CROCC2: variants seen among roughly 807,000 people sequenced by gnomAD.
The protein encoded by CROCC2 is ciliary rootlet coiled-coil, rootletin family member 2, also known as ciliary rootlet coiled-coil protein 2.
A neutral mutation model predicts 177.6 loss-of-function variants in CROCC2; 163 were observed. The ratio of observed to expected loss-of-function variants is 0.92; its 90% CI spans 0.81 to 1.05. CROCC2 has a LOEUF of 1.05. Among genes scored for constraint, CROCC2 ranks in the 50% least tolerant of loss-of-function variants. The probability of loss-of-function intolerance (pLI) is 0.00; values close to 1 mark genes in which losing one functional copy is unlikely to be tolerated. For missense variants in CROCC2, 1,929 were observed against 1,797.8 expected, an observed-to-expected ratio of 1.07 and a Z score of -1.32; for synonymous variants, 904 against 787.3, an observed-to-expected ratio of 1.15 and a Z score of -2.48.
At chr2:240,957,380 ATGGTTCAGTGT>A (rs2059598041) in intron 19 of CROCC2, 1 of 152,290 alleles carries the variant, frequency 6.6e-6, no homozygotes, top group Non-Finnish European at 1.5e-5. Flanking sequence ...CGTTGAATGT[ATGGTTCAGTGT>A]GCAGTGAACA....
At chr2:240,914,206 C>T (rs907267552) in intron 1 of CROCC2, among the ~76,000 whole-genome samples, 9 of 152,170 alleles carry the variant, frequency 5.9e-5, no homozygotes, top group African/African-American at 1.9e-4. Flanking sequence ...CCCTTGTGCG[C>T]GAGTGGGGGC....
At chr2:240,968,803 T>C (rs1204254785) in intron 27 of CROCC2, among the ~76,000 whole-genome samples, 1 of 152,122 alleles carries the variant, frequency 6.6e-6, no homozygotes, top group Non-Finnish European at 1.5e-5. Context: ...GGTCTGAGGT[T>C]TTCAGGTGAG....
intron 21 of CROCC2, 36 bp downstream of exon 21, chr2:240,963,809 T>C (rs1190308786): frequency 2.6e-6 from 4 of 1,536,886 alleles, no homozygotes; most frequent in Non-Finnish European, 3.5e-6. Flanking sequence ...GGGGGTGCCC[T>C]GCAGCCTGCT....
rs2059327051 is a variant in CROCC2, at chr2:240,917,305, C to T, written c.79-1421C>T. 7.3e-6 allele frequency among the ~76,000 whole-genome samples: 1 copy of T among 136,228 alleles called. No homozygotes were observed. The highest frequency in any genetic ancestry group is 1.5e-5 in the Non-Finnish European group (1 of 67,728). 89.4% of individuals were successfully genotyped at this position (136,228 alleles called of 152,430 possible). A position where few individuals can be genotyped will look rare whatever the true frequency, so the allele number is the denominator to read the frequency against. On this transcript the variant is annotated intron_variant, in intron 1 of 31. Transcript: ENST00000690015. The surrounding 1 kb of genome is among the most constrained non-coding windows in gnomAD (Gnocchi z 4.9). ...GACTCTCCAACCCCGGCGAGGGGGG[C>T]CGCGATCTTTGGGGTGCAGATGGAG...
At chr2:240,932,611 G>T (rs1041684605) in intron 8 of CROCC2, 91 bp from the exon 9 acceptor site, 5 of 707,096 alleles carry the variant, frequency 7.1e-6, no homozygotes, top group African/African-American at 1.8e-5. Flanking sequence ...GAGGTAGCCC[G>T]CAGGGACCCT....
rs570869096 is a variant in CROCC2 at position 240,959,150 on chromosome 2, C to T, written c.2944-151C>T. ...GTTTGACAGTTTAGGAAACCAAGGGCCAGTTACCCCGGGGCTTGCACGATC... is the reference window on the plus strand; with the variant it reads ...GTTTGACAGTTTAGGAAACCAAGGGTCAGTTACCCCGGGGCTTGCACGATC... On this transcript the variant is annotated intron_variant, in intron 19 of 31. Transcript: ENST00000690015. 4 of 854,028 alleles carry T rather than the reference C, an allele frequency of 4.7e-6. No homozygotes were observed. In the South Asian group the frequency reaches 8.0e-5, roughly 17 times the overall value. 52.9% of individuals were successfully genotyped at this position (854,028 alleles called of 1,614,324 possible). A position where few individuals can be genotyped will look rare whatever the true frequency, so the allele number is the denominator to read the frequency against.
intron 19 of CROCC2, 108 bp from the exon 20 acceptor site, chr2:240,959,193 C>A: frequency 2.3e-6 from 3 of 1,303,412 alleles, no homozygotes; most frequent in South Asian, 1.6e-5. Context: ...CCCGGCTCCC[C>A]CTCCCAGGCC....
At chr2:240,971,329 G>T (rs547204136) in intron 27 of CROCC2, among the ~76,000 whole-genome samples, 7 of 152,294 alleles carry the variant, frequency 4.6e-5, no homozygotes, top group Middle Eastern at 3.4e-3. Context: ...GGCCCTCTGA[G>T]GGCTCTGCCT....
chr2:240,935,529 G>C lies in CROCC2; in HGVS notation c.2110G>C (p.Glu704Gln). 1 of 1,350,478 alleles carries C rather than the reference G, an allele frequency of 7.4e-7. No individual in the cohort carries two copies. The highest frequency in any genetic ancestry group is 9.5e-7 in the Non-Finnish European group (1 of 1,049,066). 83.7% of individuals were successfully genotyped at this position (1,350,478 alleles called of 1,614,324 possible). A position where few individuals can be genotyped will look rare whatever the true frequency, so the allele number is the denominator to read the frequency against. Reference sequence around the variant, plus strand: ...CCTGGAGCAGCGGCAGGAGCAGCTGGAGGGGCAGGCAGCCCTGCTGGGGCG... The same window carrying C: ...CCTGGAGCAGCGGCAGGAGCAGCTGCAGGGGCAGGCAGCCCTGCTGGGGCG... Reference protein sequence around the residue: ...GRLEQRQEQLEGQAALLGREK... With the variant: ...GRLEQRQEQLQGQAALLGREK... The change falls in exon 14 of 32, where the codon GAG (glutamate) becomes CAG (glutamine). Residue 704 changes from glutamate (E) to glutamine (Q), a missense_variant. Physicochemically the swap from Glu to Gln is conservative, Grantham distance 29 (BLOSUM62 2). Transcript: ENST00000690015.
chr2:240,952,915 G>T (rs778669623), intron 18 of CROCC2, among the ~76,000 whole-genome samples: 7 of 152,158 alleles, frequency 4.6e-5, no homozygotes, highest in Non-Finnish European at 8.8e-5. Flanking sequence ...TTGGGAGGTG[G>T]TGATATTATT....
chr2:240,989,958 C>A (rs2059866777), intron 30 of CROCC2, 125 bp downstream of exon 30: 3 of 907,728 alleles, frequency 3.3e-6, no homozygotes, highest in Non-Finnish European at 4.9e-6. Flanking sequence ...TCCACTGCCA[C>A]CCAGTGGGCT....
intron 30 of CROCC2, among the ~76,000 whole-genome samples, chr2:240,990,314 T>C (rs1371982758): frequency 6.6e-6 from 1 of 152,162 alleles, no homozygotes. Flanking sequence ...AGCCAAGCCT[T>C]GGGCGTGTGT....
rs373432418 is a variant in CROCC2, at chr2:240,972,479, T to C, written c.4401+4217T>C. ...ACAGCAACCCTCTTCCCTGAGGTCC[T>C]GGTAGTACAGAGTTGCCTCCCCAAC... On this transcript the variant is annotated intron_variant, in intron 27 of 31. Coordinates refer to ENST00000690015, the MANE Select transcript of CROCC2 (RefSeq NM_001351305.2). This position sits in a 1 kb window ranked among gnomAD's most constrained non-coding sequence, Gnocchi z 7.1. Among the ~76,000 whole-genome samples, 67 of 152,200 alleles carry C rather than the reference T, an allele frequency of 4.4e-4. No homozygotes were observed. Among genetic ancestry groups the C allele is most frequent in the African/African-American group, 1.5e-3 (61 of 41,534 alleles).
chr2:240,988,975 C>A, intron 29 of CROCC2, 105 bp downstream of exon 29: 1 of 1,184,456 alleles, frequency 8.4e-7, no homozygotes, highest in Non-Finnish European at 1.1e-6. Context: ...GTACCTCCAT[C>A]TCACACGTGC....
Position 240,949,921 on chromosome 2 carries a change from G to T in CROCC2, c.2652+219G>T, listed in dbSNP as rs116284643. Among the ~76,000 whole-genome samples, 1 of 152,188 alleles carries T rather than the reference G, an allele frequency of 6.6e-6. No individual in the cohort carries two copies. The highest frequency in any genetic ancestry group is 1.5e-5 in the Non-Finnish European group (1 of 68,020). On this transcript the variant is annotated intron_variant, in intron 17 of 31. Transcript: ENST00000690015. This position sits in a 1 kb window ranked among gnomAD's most constrained non-coding sequence, Gnocchi z 4.5. ...TTGGGCTTGGGTTTGTATTTGGGGCGGGCCTCCCTCATGGAAGAGGCTGGA... is the reference window on the plus strand; with the variant it reads ...TTGGGCTTGGGTTTGTATTTGGGGCTGGCCTCCCTCATGGAAGAGGCTGGA...
intron 5 of CROCC2, among the ~76,000 whole-genome samples, chr2:240,929,871 C>A (rs2059416344): frequency 6.6e-6 from 1 of 152,182 alleles, no homozygotes; most frequent in Non-Finnish European, 1.5e-5. Context: ...TGAGTCAGCA[C>A]CTTCTCTCTT....
intron 28 of CROCC2, 59 bp from the exon 29 acceptor site, chr2:240,988,680 T>G (rs1574801989): frequency 7.6e-7 from 1 of 1,314,192 alleles, no homozygotes; most frequent in East Asian, 3.0e-5. Flanking sequence ...AGAGGAGGGC[T>G]GGCCTGACCT....
At position 240,934,373 on chromosome 2, in the gene CROCC2, C is replaced by G. The variant is rs1223084414; in HGVS notation, c.1689C>G (p.Leu563=). 20 of 1,548,564 alleles carry G rather than the reference C, an allele frequency of 1.3e-5. No individual in the cohort carries two copies. The highest frequency in any genetic ancestry group is 1.7e-5 in the Non-Finnish European group (20 of 1,146,876). The change falls in exon 12 of 32, where the codon CTC becomes CTG. Residue 563 remains leucine (L), a synonymous_variant. Coordinates refer to ENST00000690015, the MANE Select transcript of CROCC2 (RefSeq NM_001351305.2). ...AGCTGGAGGAGAAGGTCTCCGGGCT[C>G]AGAGAGGAGCTGGCATCGGTCCGGG... ...LQQLEEKVSG[L]REELASVREA... is the part of the protein sequence containing the mutation.
intron 18 of CROCC2, chr2:240,955,370 C>G (rs1004872158): frequency 1.3e-5 from 2 of 156,392 alleles, no homozygotes; most frequent in Admixed American, 1.2e-4. Flanking sequence ...CTTCCACAGC[C>G]TGGTCCACGG....
Sources: allele counts gnomAD v4.1 joint callset (sites outside exome capture counted in the v4.1 genomes callset), GRCh38; gene constraint gnomAD v4.1.1; non-coding constraint Gnocchi (gnomAD v3.1); transcripts MANE v1.5; gene names NCBI Gene and HGNC (gene_info 2026-07-23, HGNC 2026-07-21).